The following SLC24A2 variants were observed in gnomAD, a reference collection of about 807,000 sequenced individuals.
SLC24A2 encodes solute carrier family 24 member 2.
In SLC24A2, 36 loss-of-function variants were observed where a neutral mutation model predicts 62.0. The ratio of observed to expected loss-of-function variants is 0.58; its 90% CI spans 0.44 to 0.77. SLC24A2 has a LOEUF of 0.77. SLC24A2 is among the 30% of genes least tolerant of loss of function. The pLI is 0.00. For synonymous variants in SLC24A2, 358 were observed against 294.0 expected (o/e 1.22, Z -2.23); for missense variants, 846 against 817.9 (o/e 1.03, Z -0.42).
At chr9:19,782,907 TC>T (rs1823056573) in intron 2 of SLC24A2, among the ~76,000 whole-genome samples, 1 of 152,198 alleles carries the variant, frequency 6.6e-6, no homozygotes, top group East Asian at 1.9e-4. Flanking sequence ...AAAGACTCTT[TC>T]CTTTTTGAGT....
the SLC24A2 span, among the ~76,000 whole-genome samples, chr9:20,026,961 A>C: frequency 6.6e-6 from 1 of 152,192 alleles, no homozygotes; most frequent in Non-Finnish European, 1.5e-5. Context: ...TAAGGAATTC[A>C]AACAACTATA....
At chr9:19,937,793 G>A in the SLC24A2 span, among the ~76,000 whole-genome samples, 1 of 152,138 alleles carries the variant, frequency 6.6e-6, no homozygotes, top group East Asian at 1.9e-4. Context: ...GCAAAGCTGT[G>A]TTCTAATGCT....
At chr9:19,520,140 T>G (rs1833121498) in intron 10 of SLC24A2, among the ~76,000 whole-genome samples, 1 of 152,132 alleles carries the variant, frequency 6.6e-6, no homozygotes, top group African/African-American at 2.4e-5. Context: ...AAGTAGGTGT[T>G]TTTAGTGAGG....
intron 8 of SLC24A2, among the ~76,000 whole-genome samples, chr9:19,540,458 C>G (rs1311039129): frequency 6.6e-6 from 1 of 151,074 alleles, no homozygotes; most frequent in Non-Finnish European, 1.5e-5. Context: ...TTCTCCTTCA[C>G]TTATGAAGCT....
chr9:20,272,605 C>T, the SLC24A2 span, among the ~76,000 whole-genome samples: 1 of 152,210 alleles, frequency 6.6e-6, no homozygotes, highest in African/African-American at 2.4e-5. Context: ...ACTCCATATT[C>T]TGTAGTATAA....
chr9:20,210,030 G>A, the SLC24A2 span, among the ~76,000 whole-genome samples: 1 of 152,240 alleles, frequency 6.6e-6, no homozygotes, highest in South Asian at 2.1e-4. Flanking sequence ...TAATTGAAGG[G>A]GTCTTGTGAA....
the SLC24A2 span, among the ~76,000 whole-genome samples, chr9:19,853,812 G>A: frequency 6.6e-6 from 1 of 152,108 alleles, no homozygotes; most frequent in African/African-American, 2.4e-5. Context: ...GGATGATGCT[G>A]GTCTCATAAA....
chr9:19,575,193 T>C (rs905019114), intron 6 of SLC24A2, among the ~76,000 whole-genome samples: 5 of 152,230 alleles, frequency 3.3e-5, no homozygotes, highest in Admixed American at 1.3e-4. Context: ...TCCAAGTTTT[T>C]AGTAGTGACA....
the SLC24A2 span, among the ~76,000 whole-genome samples, chr9:20,190,115 C>T: frequency 1.3e-5 from 2 of 152,110 alleles, no homozygotes; most frequent in African/African-American, 4.8e-5. Flanking sequence ...TGTGTGAACC[C>T]GCAACACTCC....
At chr9:19,748,068 T>G (rs1320487163) in intron 2 of SLC24A2, among the ~76,000 whole-genome samples, 3 of 152,170 alleles carry the variant, frequency 2.0e-5, no homozygotes, top group Admixed American at 2.0e-4. Context: ...ATTTGCTGGT[T>G]CTGCAAAATT....
chr9:20,108,289 G>A, the SLC24A2 span, among the ~76,000 whole-genome samples: 16 of 152,078 alleles, frequency 1.1e-4, no homozygotes, highest in South Asian at 8.3e-4. Context: ...AGTCAGTGTG[G>A]CGATTCCTCA....
the SLC24A2 span, among the ~76,000 whole-genome samples, chr9:20,190,175 C>A: frequency 1.3e-5 from 2 of 152,170 alleles, no homozygotes; most frequent in East Asian, 1.9e-4. Flanking sequence ...TGTGGTTGCT[C>A]TGCTGGTATC....
chr9:19,766,711 T>C (rs923739233), intron 2 of SLC24A2, among the ~76,000 whole-genome samples: 2 of 152,298 alleles, frequency 1.3e-5, no homozygotes, highest in Non-Finnish European at 2.9e-5. Flanking sequence ...AGAGTTCTCC[T>C]GTATGAGTTG....
intron 2 of SLC24A2, among the ~76,000 whole-genome samples, chr9:19,671,266 C>T (rs1016784711): frequency 6.6e-5 from 10 of 151,752 alleles, no homozygotes; most frequent in Non-Finnish European, 1.3e-4. Context: ...CTTTTACCTC[C>T]TTGGTTAGGT....
the SLC24A2 span, among the ~76,000 whole-genome samples, chr9:19,968,805 G>C: frequency 6.6e-6 from 1 of 152,194 alleles, no homozygotes; most frequent in South Asian, 2.1e-4. Context: ...TATTCAAACT[G>C]TGCATTCATC....
chr9:20,117,020 C>A, the SLC24A2 span, among the ~76,000 whole-genome samples: 1 of 152,132 alleles, frequency 6.6e-6, no homozygotes, highest in Non-Finnish European at 1.5e-5. Context: ...ACCTCTACTA[C>A]TTTGGAAGGA....
the SLC24A2 span, among the ~76,000 whole-genome samples, chr9:20,189,917 C>A: frequency 1.3e-5 from 2 of 152,178 alleles, no homozygotes; most frequent in Non-Finnish European, 2.9e-5. Context: ...CATTCTCAGT[C>A]TAAGGGTGCT....
At chr9:19,623,137 G>A (rs1413604401) in intron 2 of SLC24A2, among the ~76,000 whole-genome samples, 4 of 152,094 alleles carry the variant, frequency 2.6e-5, no homozygotes, top group African/African-American at 9.7e-5. Flanking sequence ...TTAACTCAAT[G>A]GCAACTCTCC....
At chr9:19,642,986 CTTTTTTTTTT>C (rs71335441) in intron 2 of SLC24A2, among the ~76,000 whole-genome samples, 4 of 125,328 alleles carry the variant, frequency 3.2e-5, no homozygotes, top group African/African-American at 6.0e-5. Flanking sequence ...GGCCAGTATT[CTTTTTTTTTT>C]TTTTTTTTTT....
Sources: gnomAD v4.1 joint callset for allele counts (sites outside exome capture counted in the v4.1 genomes callset) on GRCh38, gnomAD v4.1.1 for gene constraint, MANE v1.5 for transcripts, NCBI Gene and HGNC (gene_info 2026-07-23, HGNC 2026-07-21) for gene names.